The following PLCB1 variants were observed in gnomAD, a reference collection of about 807,000 sequenced individuals.
The protein encoded by PLCB1 is phospholipase C beta 1, also known as 1-phosphatidylinositol 4,5-bisphosphate phosphodiesterase beta-1.
A neutral mutation model predicts 161.8 loss-of-function variants in PLCB1; 46 were observed. The ratio of observed to expected loss-of-function variants is 0.28; its 90% CI spans 0.22 to 0.36. The LOEUF is 0.36. PLCB1 is among the 10% of genes least tolerant of loss of function. The pLI, the probability that PLCB1 is intolerant of heterozygous loss-of-function variation, is 1.00. For missense variants in PLCB1, 1,016 were observed against 1,472.5 expected (o/e 0.69, Z 5.07); for synonymous variants, 517 against 503.7 (o/e 1.03, Z -0.35).
chr20:8,651,229 G>A (rs1269297122), intron 7 of PLCB1, among the ~76,000 whole-genome samples: 2 of 152,152 alleles, frequency 1.3e-5, no homozygotes, highest in Non-Finnish European at 2.9e-5. Context: ...AAGTTGCACT[G>A]AATAAGTTTG....
chr20:8,728,972 A>G, intron 17 of PLCB1, 78 bp from the exon 18 acceptor site: 1 of 973,924 alleles, frequency 1.0e-6, no homozygotes, highest in Non-Finnish European at 1.4e-6. Flanking sequence ...ATGGAGAAAG[A>G]TGGAAGGTAG....
intron 31 of PLCB1, among the ~76,000 whole-genome samples, chr20:8,796,155 G>A (rs562557716): frequency 9.2e-5 from 14 of 152,106 alleles, no homozygotes; most frequent in South Asian, 2.1e-4. Context: ...AGAGAATTCC[G>A]GGAAGCTTTA....
intron 3 of PLCB1, among the ~76,000 whole-genome samples, chr20:8,454,771 G>C (rs1340310668): frequency 6.6e-6 from 1 of 152,040 alleles, no homozygotes; most frequent in Middle Eastern, 3.2e-3. Context: ...AAATTGCATT[G>C]TTTCTCTGTT....
intron 2 of PLCB1, among the ~76,000 whole-genome samples, chr20:8,299,836 C>A (rs1983814816): frequency 6.6e-6 from 1 of 152,154 alleles, no homozygotes; most frequent in South Asian, 2.1e-4. Flanking sequence ...ACCCACTTCT[C>A]TCCATTTTCA....
intron 2 of PLCB1, among the ~76,000 whole-genome samples, chr20:8,229,066 T>C (rs1204445304): frequency 1.3e-5 from 2 of 152,114 alleles, no homozygotes; most frequent in African/African-American, 4.8e-5. Context: ...CACCCTCTAG[T>C]AGCCACTGTT....
intron 31 of PLCB1, among the ~76,000 whole-genome samples, chr20:8,879,481 T>A (rs1987897545): frequency 6.6e-6 from 1 of 152,280 alleles, no homozygotes; most frequent in East Asian, 1.9e-4. Flanking sequence ...TTAATATGTC[T>A]GCAGTTAAGT....
At chr20:8,501,135 C>T (rs989501462) in intron 3 of PLCB1, among the ~76,000 whole-genome samples, 7 of 152,282 alleles carry the variant, frequency 4.6e-5, no homozygotes, top group East Asian at 3.9e-4. Flanking sequence ...GATCCACAGA[C>T]GAAACAGACA....
At chr20:8,738,991 A>G (rs916615407) in intron 20 of PLCB1, among the ~76,000 whole-genome samples, 3 of 152,142 alleles carry the variant, frequency 2.0e-5, no homozygotes, top group Non-Finnish European at 4.4e-5. Context: ...CTCTACTAAA[A>G]AAGTACAAAA....
chr20:8,244,983 A>AG (rs944842760), intron 2 of PLCB1, among the ~76,000 whole-genome samples: 6 of 139,268 alleles, frequency 4.3e-5, no homozygotes, highest in South Asian at 2.1e-4. Context: ...TCTATTTTGG[A>AG]GGGGGGGATG....
intron 2 of PLCB1, among the ~76,000 whole-genome samples, chr20:8,213,694 T>TG (rs894054237): frequency 7.3e-5 from 11 of 151,060 alleles, no homozygotes; most frequent in Non-Finnish European, 1.2e-4. Flanking sequence ...GTGGTGGTGG[T>TG]GTGTGTGTGT....
intron 20 of PLCB1, among the ~76,000 whole-genome samples, 185 bp downstream of exon 20, chr20:8,737,377 C>T (rs1006469333): frequency 6.6e-6 from 1 of 152,128 alleles, no homozygotes; most frequent in African/African-American, 2.4e-5. Flanking sequence ...TTTGGATTTT[C>T]AGAATTGTAT....
chr20:8,719,333 T>C (rs1979501483), intron 14 of PLCB1, among the ~76,000 whole-genome samples: 1 of 152,148 alleles, frequency 6.6e-6, no homozygotes. Context: ...AGATGTGTAT[T>C]TAGGTTTACC....
chr20:8,191,067 G>A lies in PLCB1; in HGVS notation c.177+40696G>A, dbSNP rs1004103679. On this transcript the variant is annotated intron_variant, in intron 2 of 31. Coordinates refer to ENST00000338037, the MANE Select transcript of PLCB1 (RefSeq NM_015192.4). ...TAGAGAAGAGTATATACATGCATAA[G>A]GATTTTGAGCTGAATACCTTTATGG... Among the ~76,000 whole-genome samples the A allele has an allele frequency of 2.6e-5, 4 of 151,872 alleles. No individual in the cohort carries two copies. The South Asian group carries it at 8.3e-4, about 32-fold the overall frequency.
In PLCB1 at chr20:8,555,496, G is replaced by A. The variant is rs568112024; in HGVS notation, c.247-72798G>A. The stretch of plus-strand genomic sequence containing the variant: ...CTCACTCAACATGGGATGGGGCTTC[G>A]ATTGTTATGATTTAAGCACTTCTGA... On this transcript the variant is annotated intron_variant, in intron 3 of 31. Transcript: ENST00000338037. Among the ~76,000 whole-genome samples, 55 of 152,126 alleles carry A rather than the reference G, an allele frequency of 3.6e-4. 1 individual carries two copies. The highest frequency in any genetic ancestry group is 1.2e-3 in the African/African-American group (50 of 41,538).
intron 3 of PLCB1, among the ~76,000 whole-genome samples, chr20:8,412,615 C>G (rs1454257455): frequency 2.6e-5 from 4 of 152,160 alleles, no homozygotes; most frequent in African/African-American, 9.7e-5. Context: ...TATTTGACCT[C>G]CTTGTGCTTC....
At chr20:8,227,009 A>G (rs1479632388) in intron 2 of PLCB1, among the ~76,000 whole-genome samples, 1 of 152,174 alleles carries the variant, frequency 6.6e-6, no homozygotes, top group South Asian at 2.1e-4. Context: ...TTTTTAAAAT[A>G]TTTTTATTTA....
At chr20:8,351,362 T>C (rs1266318807) in intron 2 of PLCB1, among the ~76,000 whole-genome samples, 2 of 152,048 alleles carry the variant, frequency 1.3e-5, no homozygotes, top group Non-Finnish European at 2.9e-5. Flanking sequence ...TAGACATATA[T>C]GTAAAATGCA....
rs1568549591 is a variant in PLCB1 at position 8,658,623 on chromosome 20, A to G, written c.781A>G (p.Ile261Val). 3 of 1,613,066 alleles carry G rather than the reference A, an allele frequency of 1.9e-6. No homozygotes were observed. The highest frequency in any genetic ancestry group is 2.5e-6 in the Non-Finnish European group (3 of 1,179,320). The change falls in exon 9 of 32, where the codon ATA becomes GTA. Residue 261 changes from isoleucine to valine, a missense_variant. Around this residue, in one of 10 missense-constraint regions of PLCB1, gnomAD observed 117 missense variants for 142.2 expected, o/e 0.82. Transcript: ENST00000338037. ...GCAGCGAGATCCTCGGCTTAATGAA[A>G]TACTTTATCCACCTCTAAAACAAGA... Reference protein sequence around the residue: ...LKQRDPRLNEILYPPLKQEQV... With the variant: ...LKQRDPRLNEVLYPPLKQEQV...
chr20:8,580,218 C>T (rs1036453955), intron 3 of PLCB1, among the ~76,000 whole-genome samples: 9 of 152,102 alleles, frequency 5.9e-5, no homozygotes, highest in Non-Finnish European at 1.3e-4. Context: ...CATGTCAAAG[C>T]ATCAAAAATA....
Sources: allele counts gnomAD v4.1 joint callset (sites outside exome capture counted in the v4.1 genomes callset), GRCh38; gene constraint gnomAD v4.1.1; regional missense constraint gnomAD v4.1.1; transcripts MANE v1.5; gene names NCBI Gene and HGNC (gene_info 2026-07-23, HGNC 2026-07-21).